TOGARAM1: variants seen among roughly 807,000 people sequenced by gnomAD.
TOGARAM1 encodes TOG array regulator of axonemal microtubules 1, also known as TOG array regulator of axonemal microtubules protein 1.
A neutral mutation model predicts 166.6 loss-of-function variants in TOGARAM1; 100 were observed. That is an observed-to-expected ratio of 0.60 (90% CI 0.51 to 0.71). TOGARAM1 has a LOEUF of 0.71. Among genes scored for constraint, TOGARAM1 ranks in the 30% least tolerant of loss-of-function variants. The pLI is 0.00. For synonymous variants in TOGARAM1, 758 were observed against 763.8 expected, an observed-to-expected ratio of 0.99 and a Z score of 0.13; for missense variants, 2,029 against 2,102.7, an observed-to-expected ratio of 0.96 and a Z score of 0.69.
At chr14:45,057,393 G>A (rs977379169) in intron 16 of TOGARAM1, among the ~76,000 whole-genome samples, 5 of 151,918 alleles carry the variant, frequency 3.3e-5, no homozygotes, top group African/African-American at 1.2e-4. Context: ...TCCTTGAAGT[G>A]TGATGTTAAG....
intron 16 of TOGARAM1, among the ~76,000 whole-genome samples, chr14:45,057,608 C>T (rs1882703481): frequency 6.6e-6 from 1 of 152,054 alleles, no homozygotes; most frequent in Admixed American, 6.6e-5. Context: ...TCCCTCTTAA[C>T]ACTGCTTTTG....
At chr14:44,966,759 G>C (rs1885566509) in intron 1 of TOGARAM1, among the ~76,000 whole-genome samples, 1 of 152,012 alleles carries the variant, frequency 6.6e-6, no homozygotes, top group Non-Finnish European at 1.5e-5. Context: ...TTCGAGACCA[G>C]CCTGGGCAAC....
Position 44,982,128 on chromosome 14 carries a change from G to A in TOGARAM1, c.2047-13618G>A, listed in dbSNP as rs562210113. 1.2e-3 allele frequency among the ~76,000 whole-genome samples: 176 copies of A among 152,244 alleles called. 1 individual carries two copies. Among genetic ancestry groups the A allele is most frequent in the African/African-American group, 4.0e-3 (168 of 41,570 alleles). On this transcript the variant is annotated intron_variant, in intron 1 of 19. Transcript: ENST00000361462. The stretch of plus-strand genomic sequence containing the variant: ...CAAAGTACTGGGATTACAGGCATAA[G>A]CCACTGCACCTAGCCTGAACATTTT...
At chr14:44,991,547 A>T (rs959249899) in intron 1 of TOGARAM1, among the ~76,000 whole-genome samples, 1 of 152,194 alleles carries the variant, frequency 6.6e-6, no homozygotes, top group African/African-American at 2.4e-5. Flanking sequence ...TACTATAGGA[A>T]TATAATACAC....
rs147550496 is a variant in TOGARAM1 at position 45,040,401 on chromosome 14, G to C, written c.3813-3285G>C. Among the ~76,000 whole-genome samples the C allele has an allele frequency of 2.3e-3, 346 of 152,240 alleles. 1 individual carries two copies. Among genetic ancestry groups the C allele is most frequent in the Non-Finnish European group, 4.2e-3 (285 of 68,022 alleles). On this transcript the variant is annotated intron_variant, in intron 11 of 19. Transcript: ENST00000361462. ...CAGCTTTCACCTTAAACTAGAAACA[G>C]AAGAGCACATGAAGCCCAAAGTAAG...
rs1381808070 is a variant in TOGARAM1, at chr14:44,964,486, C to T, written c.2046+19C>T. The T allele has an allele frequency of 6.6e-7, 1 of 1,520,240 alleles. No individual in the cohort carries two copies. The highest frequency in any genetic ancestry group is 2.3e-5 in the East Asian group (1 of 44,014). 94.2% of individuals were successfully genotyped at this position (1,520,240 alleles called of 1,614,324 possible). On this transcript the variant is annotated intron_variant, in intron 1 of 19. Coordinates refer to ENST00000361462, the MANE Select transcript of TOGARAM1 (RefSeq NM_001308120.2). ...AGAGCAGGTATGCTTCTCTAATTTT[C>T]TTGAGTCGAAAGTGTGAAGAATTTA... is the stretch of plus-strand genomic sequence containing the variant.
chr14:45,025,862 T>G lies in TOGARAM1; in HGVS notation c.3318T>G (p.Val1106=). 6.3e-7 allele frequency: 1 copy of G among 1,581,874 alleles called. No homozygotes were observed. The highest frequency in any genetic ancestry group is 8.7e-7 in the Non-Finnish European group (1 of 1,154,382). Residue 1106 remains valine, a synonymous_variant, in exon 8 of 20, where the codon GTT becomes GTG. Coordinates refer to ENST00000361462, the MANE Select transcript of TOGARAM1 (RefSeq NM_001308120.2). The stretch of plus-strand genomic sequence containing the variant: ...CTTTATCAGAAGACTCAGTAGTAGT[T>G]GTTGGAAAAGGTATTTCAAAGTTAT... ...TKALSEDSVV[V]VGKGVFGSLS... is the part of the protein sequence containing the mutation.
chr14:45,045,536 T>TGG (rs1881946447), intron 13 of TOGARAM1, among the ~76,000 whole-genome samples: 1 of 11,834 alleles, frequency 8.5e-5, no homozygotes, highest in Non-Finnish European at 1.2e-4. Context: ...TTCCATGGTC[T>TGG]GTGTGTGTAT....
chr14:45,014,150 A>G (rs971846629), intron 7 of TOGARAM1, among the ~76,000 whole-genome samples: 10 of 147,196 alleles, frequency 6.8e-5, no homozygotes, highest in Non-Finnish European at 1.5e-4. Flanking sequence ...GGTTCATGCC[A>G]TTTTCCTTCC....
At chr14:45,031,860 T>C (rs1881177932) in intron 10 of TOGARAM1, among the ~76,000 whole-genome samples, 1 of 152,148 alleles carries the variant, frequency 6.6e-6, no homozygotes, top group African/African-American at 2.4e-5. Context: ...GTTTGTACCC[T>C]TTGTATGAAG....
At chr14:44,985,254 C>G (rs568614356) in intron 1 of TOGARAM1, among the ~76,000 whole-genome samples, 1 of 152,122 alleles carries the variant, frequency 6.6e-6, no homozygotes, top group Admixed American at 6.6e-5. Flanking sequence ...CTTTGTGAAC[C>G]GCCCGTCTCG....
intron 8 of TOGARAM1, among the ~76,000 whole-genome samples, 170 bp from the exon 9 acceptor site, chr14:45,027,129 A>G (rs1880897439): frequency 6.6e-6 from 1 of 152,196 alleles, no homozygotes; most frequent in Non-Finnish European, 1.5e-5. Flanking sequence ...CACCTCTTAT[A>G]TTAATGCCCT....
intron 2 of TOGARAM1, chr14:44,996,798 TACA>T (rs1887433505): frequency 6.6e-6 from 1 of 152,330 alleles, no homozygotes; most frequent in South Asian, 2.1e-4. Context: ...AAGCACGTCT[TACA>T]TGGTGGGAGC....
Position 45,052,562 on chromosome 14 carries a change from G to T in TOGARAM1, c.4440G>T (p.Lys1480Asn). Residue 1480 changes from lysine to asparagine, a missense_variant and splice_region_variant, in exon 15 of 20, where the codon AAG becomes AAT. Lys to Asn is a moderately conservative substitution (Grantham distance 94). Transcript: ENST00000361462. ...ACTCTGTTAGAAACTTACAGCAAAA[G>T]GTATGTGGGAAAAGTTTGTTTTATA... is the stretch of plus-strand genomic sequence containing the variant. ...IKDSVRNLQQKGLGEIPLDTP... is the reference protein window; with the variant it reads ...IKDSVRNLQQNGLGEIPLDTP... 6.3e-7 allele frequency: 1 copy of T among 1,585,250 alleles called. No individual in the cohort carries two copies. Among genetic ancestry groups the T allele is most frequent in the South Asian group, 1.1e-5 (1 of 87,644 alleles).
chr14:44,983,261 G>T (rs1433008523), intron 1 of TOGARAM1, among the ~76,000 whole-genome samples: 2 of 152,202 alleles, frequency 1.3e-5, no homozygotes, highest in Admixed American at 6.5e-5. Flanking sequence ...TTAGCTTTGG[G>T]ATAGAGGAGG....
At chr14:44,971,297 A>G (rs1463986931) in intron 1 of TOGARAM1, among the ~76,000 whole-genome samples, 1 of 152,154 alleles carries the variant, frequency 6.6e-6, no homozygotes, top group African/African-American at 2.4e-5. Context: ...TGTGTCTTTC[A>G]AGGAATTGAT....
chr14:45,042,612 AG>A (rs1432171486), intron 11 of TOGARAM1, among the ~76,000 whole-genome samples: 1 of 152,164 alleles, frequency 6.6e-6, no homozygotes, highest in Non-Finnish European at 1.5e-5. Context: ...AGATTGTGTA[AG>A]TTAATATAAT....
rs1051887470 is a variant in TOGARAM1 at position 45,012,083 on chromosome 14, A to G, written c.3238+8A>G. 5.4e-6 allele frequency: 8 copies of G among 1,479,184 alleles called. No individual in the cohort carries two copies. In the Admixed American group the frequency reaches 1.5e-4, roughly 28 times the overall value. The allele number at this position is 1,479,184 out of a possible 1,614,324, so 91.6% of individuals were successfully genotyped here. Reference sequence around the variant, plus strand: ...AACAAAGCCCCAGTGCAGGTATTCTATGTCTGTTTATAAAAATAATTTATA... The same window carrying G: ...AACAAAGCCCCAGTGCAGGTATTCTGTGTCTGTTTATAAAAATAATTTATA... On this transcript the variant is annotated splice_region_variant and intron_variant, in intron 7 of 19. Transcript: ENST00000361462.
chr14:45,048,314 C>CAAAAAAAAA (rs1165258521), intron 14 of TOGARAM1, among the ~76,000 whole-genome samples: 1 of 43,734 alleles, frequency 2.3e-5, no homozygotes, highest in African/African-American at 7.3e-5. Context: ...GACTCCATCT[C>CAAAAAAAAA]AAAAAAAAAA....
Sources: allele counts gnomAD v4.1 joint callset (sites outside exome capture counted in the v4.1 genomes callset), GRCh38; gene constraint gnomAD v4.1.1; transcripts MANE v1.5; gene names NCBI Gene and HGNC (gene_info 2026-07-23, HGNC 2026-07-21).